KIAA1217: variants seen among roughly 807,000 people sequenced by gnomAD.
KIAA1217 encodes the protein KIAA1217.
Under a neutral mutation model 163.9 loss-of-function variants are expected in KIAA1217, and 88 were observed. The ratio of observed to expected loss-of-function variants is 0.54; its 90% CI spans 0.45 to 0.64. The LOEUF is 0.64. Ranked by LOEUF, KIAA1217 falls within the 30% of genes least tolerant of loss-of-function variation. KIAA1217 has a pLI of 0.00. For missense variants in KIAA1217, 2,372 were observed against 2,475.0 expected, an observed-to-expected ratio of 0.96 and a Z score of 0.88; for synonymous variants, 903 against 923.1, an observed-to-expected ratio of 0.98 and a Z score of 0.39.
chr10:23,789,984 C>T (rs879740341), intron 1 of KIAA1217, among the ~76,000 whole-genome samples: 1,254 of 89,990 alleles, frequency 0.014, 141 homozygotes, highest in Admixed American at 0.033. Context: ...CATATATACA[C>T]ATATACATAT....
At chr10:24,379,566 G>A (rs746877411) in intron 2 of KIAA1217, among the ~76,000 whole-genome samples, 5 of 152,188 alleles carry the variant, frequency 3.3e-5, no homozygotes, top group Non-Finnish European at 7.3e-5. Flanking sequence ...GTAGGAAGGT[G>A]TGATTGTCTG....
chr10:23,899,562 G>T (rs1261145025), intron 1 of KIAA1217, among the ~76,000 whole-genome samples: 1 of 152,058 alleles, frequency 6.6e-6, no homozygotes, highest in African/African-American at 2.4e-5. Flanking sequence ...CTTTTTAATT[G>T]ACCGTAACTC....
chr10:24,434,066 T>G (rs1290510156), intron 4 of KIAA1217, among the ~76,000 whole-genome samples: 1 of 139,220 alleles, frequency 7.2e-6, no homozygotes, highest in African/African-American at 2.7e-5. Flanking sequence ...TGAGACAGTC[T>G]TGCTCTTTCG....
At position 24,531,868 on chromosome 10, in the gene KIAA1217, G is replaced by A. The variant is rs759152799; in HGVS notation, c.3121G>A (p.Gly1041Arg). Residue 1041 changes from glycine to arginine, a missense_variant, in exon 15 of 21, where the codon GGG (glycine) becomes AGG (arginine). Around this residue, in one of 3 missense-constraint regions of KIAA1217, gnomAD observed 1,431 missense variants for 1,470.3 expected, o/e 0.97. Transcript: ENST00000376454. ...PNSEQDLEKL[G>R]GKSPPPPPPP... ...TTCGGAACAGGACTTGGAAAAGCTG[G>A]GGGGAAAGTCGCCCCCTCCTCCTCC... is the stretch of plus-strand genomic sequence containing the variant. 6 of 1,607,436 alleles carry A rather than the reference G, an allele frequency of 3.7e-6. No individual in the cohort carries two copies. In the South Asian group the frequency reaches 5.6e-5, roughly 15 times the overall value.
intron 1 of KIAA1217, among the ~76,000 whole-genome samples, chr10:23,940,444 C>G (rs1292924737): frequency 3.1e-5 from 3 of 97,820 alleles, no homozygotes; most frequent in Non-Finnish European, 3.7e-5. Flanking sequence ...TGGGCGACAA[C>G]AGAGAGACTC....
chr10:23,704,166 G>GTATA (rs1174988449), intron 1 of KIAA1217, among the ~76,000 whole-genome samples: 31 of 71,350 alleles, frequency 4.3e-4, no homozygotes, highest in African/African-American at 2.5e-3. Context: ...GTGTGTGTGT[G>GTATA]TGTGTGTATA....
intron 2 of KIAA1217, among the ~76,000 whole-genome samples, chr10:24,238,916 G>A (rs1233736058): frequency 2.6e-5 from 4 of 152,104 alleles, no homozygotes; most frequent in Non-Finnish European, 5.9e-5. Context: ...CATCGTTCCC[G>A]GCTAAGTTTC....
intron 3 of KIAA1217, among the ~76,000 whole-genome samples, chr10:24,408,343 C>A (rs2057427470): frequency 6.6e-6 from 1 of 152,032 alleles, no homozygotes; most frequent in African/African-American, 2.4e-5. Flanking sequence ...GTATATAGAT[C>A]CTGACCACTT....
intron 2 of KIAA1217, among the ~76,000 whole-genome samples, chr10:24,081,777 G>A (rs116560094): frequency 0.048 from 7,314 of 152,230 alleles, 602 homozygotes; most frequent in African/African-American, 0.17. Flanking sequence ...GGCTGCATTC[G>A]AAGCTGTCCT....
intron 10 of KIAA1217, among the ~76,000 whole-genome samples, chr10:24,514,687 TTC>T (rs2069757223): frequency 6.6e-6 from 1 of 152,204 alleles, no homozygotes; most frequent in South Asian, 2.1e-4. Flanking sequence ...TCTTTAAAAC[TTC>T]TTTTAAAATG....
At chr10:24,084,953 G>A (rs111836168) in intron 2 of KIAA1217, among the ~76,000 whole-genome samples, 3 of 134,616 alleles carry the variant, frequency 2.2e-5, no homozygotes, top group Non-Finnish European at 3.0e-5. Context: ...TCGCTCTGTC[G>A]CCCAGGCTGG....
chr10:23,707,426 T>C (rs1472955762), intron 1 of KIAA1217, among the ~76,000 whole-genome samples: 1 of 152,152 alleles, frequency 6.6e-6, no homozygotes, highest in South Asian at 2.1e-4. Flanking sequence ...CAGAGCAGTG[T>C]GTTTTCACTT....
intron 5 of KIAA1217, among the ~76,000 whole-genome samples, chr10:24,460,454 G>A (rs981054677): frequency 1.3e-5 from 2 of 152,042 alleles, no homozygotes; most frequent in Non-Finnish European, 2.9e-5. Context: ...TTTTAATCTA[G>A]GTCCCCATCA....
intron 2 of KIAA1217, among the ~76,000 whole-genome samples, chr10:24,284,374 C>G (rs999038460): frequency 3.3e-5 from 5 of 152,096 alleles, no homozygotes; most frequent in Non-Finnish European, 7.4e-5. Context: ...GTCTTTGTTC[C>G]TCTCCCTCCC....
intron 2 of KIAA1217, among the ~76,000 whole-genome samples, chr10:24,281,540 G>A (rs988271268): frequency 2.0e-5 from 3 of 152,092 alleles, no homozygotes; most frequent in Non-Finnish European, 2.9e-5. Flanking sequence ...AGATTGCTTG[G>A]TAAGATCTGT....
intron 2 of KIAA1217, among the ~76,000 whole-genome samples, chr10:24,083,228 A>G (rs1327291642): frequency 2.6e-5 from 4 of 152,222 alleles, no homozygotes; most frequent in African/African-American, 9.6e-5. Flanking sequence ...GGGCCTTCTC[A>G]GGGACACTCT....
At chr10:24,044,274 C>T (rs560807252) in intron 2 of KIAA1217, among the ~76,000 whole-genome samples, 9 of 152,270 alleles carry the variant, frequency 5.9e-5, no homozygotes, top group African/African-American at 9.6e-5. Flanking sequence ...TTTCACGGAA[C>T]GTGGTTGTCG....
In KIAA1217 at chr10:24,068,091, C is replaced by T. The variant is rs187324815; in HGVS notation, c.-171+60717C>T. Reference sequence around the variant, plus strand: ...GAATTCCCTGACCCCTTGTGCTTCCCGGGTGAGGCGATGCCTCGCCTTGCT... The same window carrying T: ...GAATTCCCTGACCCCTTGTGCTTCCTGGGTGAGGCGATGCCTCGCCTTGCT... On this transcript the variant is annotated intron_variant, in intron 2 of 18. Coordinates refer to the KIAA1217 transcript ENST00000376462. Among the ~76,000 whole-genome samples, 39 of 152,324 alleles carry T rather than the reference C, an allele frequency of 2.6e-4. 1 individual carries two copies. In the East Asian group the frequency reaches 6.4e-3, roughly 25 times the overall value.
At chr10:23,970,445 G>C (rs563534737) in intron 1 of KIAA1217, among the ~76,000 whole-genome samples, 1 of 152,316 alleles carries the variant, frequency 6.6e-6, no homozygotes, top group South Asian at 2.1e-4. Context: ...CAAACTTGTA[G>C]AAGTAGAGAG....
Sources: allele counts gnomAD v4.1 joint callset (sites outside exome capture counted in the v4.1 genomes callset), GRCh38; gene constraint gnomAD v4.1.1; regional missense constraint gnomAD v4.1.1; transcripts MANE v1.5; gene names NCBI Gene and HGNC (gene_info 2026-07-23, HGNC 2026-07-21).